The following BNC2 variants were observed in gnomAD, a reference collection of about 807,000 sequenced individuals.
BNC2 encodes basonuclin zinc finger protein 2, also known as zinc finger protein basonuclin-2.
Under a neutral mutation model 76.3 loss-of-function variants are expected in BNC2, and 20 were observed. The observed-to-expected ratio is 0.26, with a 90% CI of 0.18 to 0.38. The LOEUF (loss-of-function observed/expected upper bound fraction) is 0.38. BNC2 is among the 10% of genes least tolerant of loss of function. The pLI, the probability that BNC2 is intolerant of heterozygous loss-of-function variation, is 1.00. For missense variants in BNC2, 1,382 were observed against 1,399.8 expected (o/e 0.99, Z 0.20); for synonymous variants, 582 against 514.8 (o/e 1.13, Z -1.77).
At chr9:16,531,065 C>A (rs183171026) in intron 5 of BNC2, among the ~76,000 whole-genome samples, 5 of 152,282 alleles carry the variant, frequency 3.3e-5, no homozygotes, top group Non-Finnish European at 7.4e-5. Context: ...GCCTAGCCTC[C>A]CCTGAGATCA....
chr9:16,663,895 T>C (rs368641518), intron 3 of BNC2, among the ~76,000 whole-genome samples: 43 of 152,286 alleles, frequency 2.8e-4, no homozygotes, highest in African/African-American at 8.9e-4. Context: ...GTTAAACCTA[T>C]AGAAACTTGC....
chr9:16,676,536 T>C (rs1327305283), intron 3 of BNC2, among the ~76,000 whole-genome samples: 1 of 152,236 alleles, frequency 6.6e-6, no homozygotes, highest in Non-Finnish European at 1.5e-5. Context: ...AAGTTGGTTG[T>C]CCAAAATCTA....
At chr9:16,687,666 A>T (rs1333354000) in intron 3 of BNC2, among the ~76,000 whole-genome samples, 1 of 152,206 alleles carries the variant, frequency 6.6e-6, no homozygotes, top group South Asian at 2.1e-4. Flanking sequence ...TAAGCCATAT[A>T]TTGCAAATTA....
intron 3 of BNC2, among the ~76,000 whole-genome samples, chr9:16,652,794 G>C (rs1327822891): frequency 6.6e-6 from 1 of 152,102 alleles, no homozygotes; most frequent in Non-Finnish European, 1.5e-5. Flanking sequence ...AAGGGAGAAA[G>C]GCATCCTCCC....
intron 1 of BNC2, among the ~76,000 whole-genome samples, chr9:16,861,401 T>A (rs2136208963): frequency 6.6e-6 from 1 of 151,996 alleles, no homozygotes; most frequent in Non-Finnish European, 1.5e-5. Flanking sequence ...CAGAATAGGA[T>A]AAAGTATTTG....
chr9:16,712,283 GAGT>G (rs1179170108), intron 3 of BNC2, among the ~76,000 whole-genome samples: 1 of 152,130 alleles, frequency 6.6e-6, no homozygotes, highest in Non-Finnish European at 1.5e-5. Flanking sequence ...AGTAAATTGT[GAGT>G]AGATTTAAAG....
Position 16,418,691 on chromosome 9 carries a change from TATGTGCATGTGTGTGTGTGTGTG to T in BNC2, c.*275_*297del. ...GTGTGTGTGTGTGTGTGTGTGTGTGTATGTGCATGTGTGTGTGTGTGTGTTTAAAGGGGTACTCTGTTTTCACC... is the reference window on the plus strand; with the variant it reads ...GTGTGTGTGTGTGTGTGTGTGTGTGTTTTAAAGGGGTACTCTGTTTTCACC... On this transcript the variant is annotated 3_prime_UTR_variant, in exon 7 of 7. Transcript: ENST00000380672. 2.9e-6 allele frequency: 1 copy of T among 344,922 alleles called. No homozygotes were observed. The highest frequency in any genetic ancestry group is 5.4e-6 in the Non-Finnish European group (1 of 185,796). The allele number at this position is 344,922 out of a possible 1,614,324, so 21.4% of individuals were successfully genotyped here.
chr9:16,551,184 A>C (rs2132518639), intron 5 of BNC2, among the ~76,000 whole-genome samples: 1 of 152,296 alleles, frequency 6.6e-6, no homozygotes, highest in South Asian at 2.1e-4. Flanking sequence ...CCATCATCTC[A>C]TCTTTTGAGG....
At chr9:16,617,760 T>C (rs1820752383) in intron 3 of BNC2, among the ~76,000 whole-genome samples, 1 of 152,220 alleles carries the variant, frequency 6.6e-6, no homozygotes, top group Non-Finnish European at 1.5e-5. Context: ...TCAGGCACTG[T>C]TCTAGGCACC....
chr9:16,569,042 G>C (rs761294725), intron 4 of BNC2, among the ~76,000 whole-genome samples: 5 of 148,938 alleles, frequency 3.4e-5, no homozygotes, highest in Non-Finnish European at 5.9e-5. Context: ...AAAACGAATG[G>C]TATTTAGCTA....
At chr9:16,796,290 A>G (rs1817645387) in intron 1 of BNC2, among the ~76,000 whole-genome samples, 3 of 152,246 alleles carry the variant, frequency 2.0e-5, no homozygotes, top group African/African-American at 4.8e-5. Flanking sequence ...ATAATTAAAA[A>G]TTTCACAAAA....
At chr9:16,492,815 G>A (rs1822306436) in intron 5 of BNC2, among the ~76,000 whole-genome samples, 3 of 151,020 alleles carry the variant, frequency 2.0e-5, no homozygotes, top group Admixed American at 2.0e-4. Context: ...GAACACTGCT[G>A]CTAAAATCTT....
At chr9:16,485,252 ATTG>A (rs1187882006) in intron 5 of BNC2, among the ~76,000 whole-genome samples, 1 of 152,150 alleles carries the variant, frequency 6.6e-6, no homozygotes, top group Non-Finnish European at 1.5e-5. Context: ...ATTGTTCTGA[ATTG>A]GAAAAAGAAG....
At chr9:16,511,708 C>T (rs935210821) in intron 5 of BNC2, among the ~76,000 whole-genome samples, 3 of 152,008 alleles carry the variant, frequency 2.0e-5, no homozygotes, top group Admixed American at 6.6e-5. Flanking sequence ...AGATTACAGG[C>T]GTGAGACACA....
intron 1 of BNC2, among the ~76,000 whole-genome samples, chr9:16,841,708 T>C (rs969513580): frequency 2.6e-5 from 4 of 151,994 alleles, no homozygotes; most frequent in African/African-American, 9.7e-5. Flanking sequence ...ATAAAATACT[T>C]CAAAATAAAA....
chr9:16,736,046 C>T (rs1824657587), intron 2 of BNC2, among the ~76,000 whole-genome samples: 1 of 151,394 alleles, frequency 6.6e-6, no homozygotes, highest in African/African-American at 2.4e-5. Flanking sequence ...CCAGTATGGC[C>T]AACATGGCAA....
chr9:16,859,908 T>C (rs749007309), intron 1 of BNC2, among the ~76,000 whole-genome samples: 1 of 152,132 alleles, frequency 6.6e-6, no homozygotes, highest in Non-Finnish European at 1.5e-5. Flanking sequence ...AATGCTGAGG[T>C]CAAGAGTTGG....
At chr9:16,566,718 G>A (rs1819179742) in intron 4 of BNC2, among the ~76,000 whole-genome samples, 1 of 152,078 alleles carries the variant, frequency 6.6e-6, no homozygotes, top group South Asian at 2.1e-4. Context: ...CTAGACTGAT[G>A]GCCTTATAGC....
In BNC2 at chr9:16,738,463, G is replaced by A; in HGVS notation, c.26C>T (p.Pro9Leu). 1.9e-6 allele frequency: 3 copies of A among 1,614,118 alleles called. No individual in the cohort carries two copies. The highest frequency in any genetic ancestry group is 2.5e-6 in the Non-Finnish European group (3 of 1,179,984). ...TGATTTGTAATTAAGGCTATGTGGA[G>A]GTGGGGTGGGCCCAAGGTGTGCCTA... MAHLGPTP[P>L]PHSLNYKSED... Residue 9 changes from proline (P) to leucine (L), a missense_variant, in exon 2 of 7, where the codon CCT becomes CTT. Transcript: ENST00000380672.
Sources: allele counts gnomAD v4.1 joint callset (sites outside exome capture counted in the v4.1 genomes callset), GRCh38; gene constraint gnomAD v4.1.1; transcripts MANE v1.5; gene names NCBI Gene and HGNC (gene_info 2026-07-23, HGNC 2026-07-21).